Variants in MINDY3 observed in about 807,000 individuals in gnomAD.
MINDY3 encodes the protein ubiquitin carboxyl-terminal hydrolase MINDY-3.
Under a neutral mutation model 69.2 loss-of-function variants are expected in MINDY3, and 38 were observed. The observed-to-expected ratio is 0.55, with a 90% CI of 0.42 to 0.72. MINDY3 has a LOEUF of 0.72. MINDY3 is among the 30% of genes least tolerant of loss of function. The pLI is 0.00. For synonymous variants in MINDY3, 192 were observed against 180.1 expected (o/e 1.07, Z -0.53); for missense variants, 522 against 519.0 (o/e 1.01, Z -0.06).
At chr10:15,847,694 T>A (rs1040445741) in intron 2 of MINDY3, among the ~76,000 whole-genome samples, 170 bp downstream of exon 2, 3 of 152,242 alleles carry the variant, frequency 2.0e-5, no homozygotes, top group Non-Finnish European at 2.9e-5. Flanking sequence ...CTCATCGATA[T>A]GGTGAATTCA....
At chr10:15,854,869 T>C (rs1359355944) in intron 1 of MINDY3, among the ~76,000 whole-genome samples, 2 of 152,092 alleles carry the variant, frequency 1.3e-5, no homozygotes, top group Non-Finnish European at 2.9e-5. Flanking sequence ...TTTCTGGTTA[T>C]GTTAAAACAA....
chr10:15,822,376 A>C (rs1839826207), intron 8 of MINDY3, among the ~76,000 whole-genome samples: 1 of 152,194 alleles, frequency 6.6e-6, no homozygotes, highest in Non-Finnish European at 1.5e-5. Flanking sequence ...ATCTGCCTAC[A>C]GTGTTAGGGA....
chr10:15,804,580 TATAA>T (rs1434196761), intron 10 of MINDY3, among the ~76,000 whole-genome samples: 16 of 152,280 alleles, frequency 1.1e-4, no homozygotes, highest in African/African-American at 3.6e-4. Flanking sequence ...ACTGCACATA[TATAA>T]ATGACATTTT....
intron 10 of MINDY3, among the ~76,000 whole-genome samples, chr10:15,814,271 C>T (rs1028534073): frequency 1.3e-5 from 2 of 152,012 alleles, no homozygotes; most frequent in Non-Finnish European, 2.9e-5. Context: ...AACAACTCTT[C>T]ACTGGGAACT....
intron 10 of MINDY3, among the ~76,000 whole-genome samples, chr10:15,798,272 TACTTCAATATTGCTACA>T: frequency 6.6e-6 from 1 of 152,234 alleles, no homozygotes; most frequent in Non-Finnish European, 1.5e-5. Flanking sequence ...ACTGAAGCGT[TACTTCAATATTGCTACA>T]AAGTAAAGTT....
At position 15,791,686 on chromosome 10, in the gene MINDY3, G is replaced by C. The variant is rs1564459821; in HGVS notation, c.956-2367C>G. Among the ~76,000 whole-genome samples the C allele has an allele frequency of 6.6e-5, 10 of 152,170 alleles. No homozygotes were observed. The South Asian group carries it at 2.1e-3, about 32-fold the overall frequency. On this transcript the variant is annotated intron_variant, in intron 11 of 14. Coordinates refer to ENST00000277632, the MANE Select transcript of MINDY3 (RefSeq NM_024948.4). ...TTTTTACCAGTTGAATATCCAGATTGCTAAAAGTGTCAAGTCCTTAGAGAT... is the reference window on the plus strand; with the variant it reads ...TTTTTACCAGTTGAATATCCAGATTCCTAAAAGTGTCAAGTCCTTAGAGAT...
chr10:15,793,721 G>C (rs771402485), intron 11 of MINDY3, among the ~76,000 whole-genome samples: 1 of 152,044 alleles, frequency 6.6e-6, no homozygotes, highest in Non-Finnish European at 1.5e-5. Context: ...ACCATCAAAA[G>C]GTTGTTCTCC....
At position 15,837,227 on chromosome 10, in the gene MINDY3, G is replaced by A; in HGVS notation, c.553C>T (p.Leu185=). The A allele has an allele frequency of 6.2e-7, 1 of 1,601,970 alleles. No individual in the cohort carries two copies. The highest frequency in any genetic ancestry group is 1.3e-5 in the African/African-American group (1 of 74,420). ...ACCTTTGTCAGTAATACAGAATACA[G>A]AAAAAGCAATACTCCAAATTTATTT... The part of the protein sequence containing the change: ...WGNKFGVLLF[L]YSVLLTKGIE... Residue 185 remains leucine (L), a synonymous_variant, in exon 6 of 15, where the codon CTG becomes TTG. Coordinates refer to ENST00000277632, the MANE Select transcript of MINDY3 (RefSeq NM_024948.4).
Position 15,778,857 on chromosome 10 carries a change from C to A in MINDY3, c.*135G>T. The A allele has an allele frequency of 1.5e-6, 1 of 684,828 alleles. No individual in the cohort carries two copies. Among genetic ancestry groups the A allele is most frequent in the Non-Finnish European group, 2.3e-6 (1 of 429,860 alleles). The allele number at this position is 684,828 out of a possible 1,614,324, so 42.4% of individuals were successfully genotyped here. On this transcript the variant is annotated 3_prime_UTR_variant, in exon 15 of 15. Coordinates refer to ENST00000277632, the MANE Select transcript of MINDY3 (RefSeq NM_024948.4). ...AAATAATTTAAACATATCATAAACA[C>A]TGAAAATGTGTTTTTAATTGTTATT...
intron 13 of MINDY3, among the ~76,000 whole-genome samples, chr10:15,784,429 A>C (rs1564450414): frequency 6.6e-6 from 1 of 152,170 alleles, no homozygotes; most frequent in East Asian, 1.9e-4. Context: ...TTGCAACTTC[A>C]TTTATTTGTG....
Position 15,799,276 on chromosome 10 carries a change from T to C in MINDY3, c.883-3104A>G, listed in dbSNP as rs574596984. 1.2e-4 allele frequency among the ~76,000 whole-genome samples: 18 copies of C among 152,266 alleles called. No homozygotes were observed. In the South Asian group the frequency reaches 3.3e-3, roughly 28 times the overall value. On this transcript the variant is annotated intron_variant, in intron 10 of 14. Coordinates refer to ENST00000277632, the MANE Select transcript of MINDY3 (RefSeq NM_024948.4). The stretch of plus-strand genomic sequence containing the variant: ...GTGCAGTGGTGTGATCTTGCCTCAC[T>C]GCAACCTCCACCTCCCAGGTTCAAG...
At chr10:15,839,686 G>C (rs1336172073) in intron 4 of MINDY3, among the ~76,000 whole-genome samples, 1 of 151,146 alleles carries the variant, frequency 6.6e-6, no homozygotes, top group African/African-American at 2.4e-5. Flanking sequence ...GGAAAGAACA[G>C]GTAAAATAGA....
intron 1 of MINDY3, among the ~76,000 whole-genome samples, chr10:15,851,837 C>T (rs1430210703): frequency 1.3e-5 from 2 of 151,978 alleles, no homozygotes; most frequent in African/African-American, 4.8e-5. Context: ...AAAATAAAAC[C>T]CAAACTCCTT....
chr10:15,852,193 T>G (rs143433396), intron 1 of MINDY3, among the ~76,000 whole-genome samples: 1 of 152,316 alleles, frequency 6.6e-6, no homozygotes, highest in African/African-American at 2.4e-5. Context: ...CTGACCGGTG[T>G]TGTATCTGTG....
At chr10:15,851,678 TGA>T (rs1564533319) in intron 1 of MINDY3, among the ~76,000 whole-genome samples, 1 of 152,024 alleles carries the variant, frequency 6.6e-6, no homozygotes. Context: ...TAAATACTGT[TGA>T]GTTTCCAACC....
In MINDY3 at chr10:15,797,546, C is replaced by G. The variant is rs141737701; in HGVS notation, c.883-1374G>C. ...GGACCCTTGAATTGTATCTAGTCTT[C>G]TGCTATTACAAAAAATGCTGAATCA... is the stretch of plus-strand genomic sequence containing the variant. On this transcript the variant is annotated intron_variant, in intron 10 of 14. Transcript: ENST00000277632. Among the ~76,000 whole-genome samples the G allele has an allele frequency of 2.3e-3, 349 of 152,102 alleles. 2 individuals are homozygous for G. Among genetic ancestry groups the G allele is most frequent in the African/African-American group, 7.8e-3 (324 of 41,516 alleles).
chr10:15,825,582 A>T (rs1485177785), intron 8 of MINDY3, among the ~76,000 whole-genome samples: 1 of 152,230 alleles, frequency 6.6e-6, no homozygotes, highest in African/African-American at 2.4e-5. Flanking sequence ...CTGCATTTTT[A>T]GGAGTTCCAC....
Position 15,813,648 on chromosome 10 carries a change from C to T in MINDY3, c.882+3187G>A, listed in dbSNP as rs151172541. On this transcript the variant is annotated intron_variant, in intron 10 of 14. Coordinates refer to ENST00000277632, the MANE Select transcript of MINDY3 (RefSeq NM_024948.4). ...CATAATGCCAGGCACATACTATAAT[C>T]CAGTAAAAAGCTCATAAATGAGTAT... is the stretch of plus-strand genomic sequence containing the variant. 3.1e-3 allele frequency among the ~76,000 whole-genome samples: 469 copies of T among 152,206 alleles called. 3 individuals carry two copies. The highest frequency in any genetic ancestry group is 0.011 in the African/African-American group (446 of 41,552).
intron 2 of MINDY3, among the ~76,000 whole-genome samples, chr10:15,846,893 T>C (rs1315955000): frequency 6.6e-6 from 1 of 151,944 alleles, no homozygotes; most frequent in Non-Finnish European, 1.5e-5. Flanking sequence ...CCGGCTAGTT[T>C]TTTGTATTTT....
Sources: gnomAD v4.1 joint callset for allele counts (sites outside exome capture counted in the v4.1 genomes callset) on GRCh38, gnomAD v4.1.1 for gene constraint, MANE v1.5 for transcripts, NCBI Gene and HGNC (gene_info 2026-07-23, HGNC 2026-07-21) for gene names.